DMXL2: variants seen among roughly 807,000 people sequenced by gnomAD.
DMXL2 encodes dmX-like protein 2.
Under a neutral mutation model 331.1 loss-of-function variants are expected in DMXL2, and 103 were observed. That is an observed-to-expected ratio of 0.31 (90% CI 0.27 to 0.37). The LOEUF is 0.37. Ranked by LOEUF, DMXL2 falls within the 10% of genes least tolerant of loss-of-function variation. DMXL2 has a pLI of 1.00. For synonymous variants in DMXL2, 1,281 were observed against 1,252.1 expected (o/e 1.02, Z -0.49); for missense variants, 3,171 against 3,642.9 (o/e 0.87, Z 3.33).
At chr15:51,456,985 A>G (rs1202881226) in intron 37 of DMXL2, among the ~76,000 whole-genome samples, 1 of 152,152 alleles carries the variant, frequency 6.6e-6, no homozygotes, top group Admixed American at 6.5e-5. Flanking sequence ...CAGCCTGGGC[A>G]GCGTGGTGAA....
intron 37 of DMXL2, among the ~76,000 whole-genome samples, chr15:51,457,077 T>G (rs1415901903): frequency 6.6e-6 from 1 of 152,022 alleles, no homozygotes; most frequent in African/African-American, 2.4e-5. Flanking sequence ...GAGGTTGAGA[T>G]GGAAGGATCA....
At chr15:51,602,600 C>A (rs1338865705) in intron 1 of DMXL2, among the ~76,000 whole-genome samples, 1 of 152,140 alleles carries the variant, frequency 6.6e-6, no homozygotes, top group Non-Finnish European at 1.5e-5. Context: ...GGGCTCATCC[C>A]CAGGCTGTGC....
rs562053178 is a variant in DMXL2 at position 51,605,608 on chromosome 15, A to C, written c.87+16851T>G. The stretch of plus-strand genomic sequence containing the variant: ...CCGGACTGCGGACTGCAGTGGCGCA[A>C]TCTCGGCTCACTGCAAGCTCCGCTT... On this transcript the variant is annotated intron_variant, in intron 1 of 43. Coordinates refer to ENST00000560891, the MANE Select transcript of DMXL2 (RefSeq NM_001378457.1). Among the ~76,000 whole-genome samples, 15 of 40,364 alleles carry C rather than the reference A, an allele frequency of 3.7e-4. 1 individual carries two copies. The highest frequency in any genetic ancestry group is 7.5e-4 in the Non-Finnish European group (13 of 17,366). 26.5% of individuals were successfully genotyped at this position (40,364 alleles called of 152,430 possible). A position where few individuals can be genotyped will look rare whatever the true frequency, so the allele number is the denominator to read the frequency against.
At chr15:51,599,942 GC>G (rs1164585101) in intron 1 of DMXL2, among the ~76,000 whole-genome samples, 2 of 151,818 alleles carry the variant, frequency 1.3e-5, no homozygotes, top group African/African-American at 4.8e-5. Flanking sequence ...CTCGTGATCT[GC>G]CCGCCTCAGC....
intron 1 of DMXL2, among the ~76,000 whole-genome samples, chr15:51,618,006 G>A (rs1306172284): frequency 6.6e-6 from 1 of 152,114 alleles, no homozygotes; most frequent in Non-Finnish European, 1.5e-5. Context: ...TACACTCCAA[G>A]AACAAAAAGG....
intron 16 of DMXL2, among the ~76,000 whole-genome samples, chr15:51,503,987 A>G (rs2043872134): frequency 2.0e-5 from 3 of 152,152 alleles, no homozygotes; most frequent in South Asian, 4.2e-4. Context: ...CAAGACTGAC[A>G]GGGAAGAATC....
rs1334565279 is a variant in DMXL2, at chr15:51,622,467, G to A, written c.79C>T (p.Pro27Ser). 6.4e-7 allele frequency: 1 copy of A among 1,564,024 alleles called. No homozygotes were observed. The highest frequency in any genetic ancestry group is 8.7e-7 in the Non-Finnish European group (1 of 1,153,886). ...CYSVGSVGDV[P>S]FTAYGSGCDI... ...TCCCGGCCGCCGCTCACCGTGAAGG[G>A]GACATCCCCGACGCTGCCCACGGAG... is the stretch of plus-strand genomic sequence containing the variant. The change falls in exon 1 of 44, where the codon CCC becomes TCC. Residue 27 changes from proline to serine, a missense_variant. Around this residue, in one of 7 missense-constraint regions of DMXL2, gnomAD observed 1,674 missense variants for 1,780.2 expected, o/e 0.94. Transcript: ENST00000560891.
In DMXL2 at chr15:51,536,753, T is replaced by C. The variant is rs1567084536; in HGVS notation, c.1727A>G (p.His576Arg). 1.2e-6 allele frequency: 2 copies of C among 1,614,044 alleles called. No individual in the cohort carries two copies. The highest frequency in any genetic ancestry group is 2.2e-5 in the East Asian group (1 of 44,884). ...CATCCCCTCCTGGTGTAACAGCGTG[T>C]GGTGAGAATCTTTTGTCGCATTTAT... is the stretch of plus-strand genomic sequence containing the variant. The part of the protein sequence containing the change: ...ACINATKDSH[H>R]TLLHQEGMSV... Residue 576 changes from histidine (H) to arginine (R), a missense_variant, in exon 12 of 44, where the codon CAC (histidine) becomes CGC (arginine). His to Arg is a conservative substitution (Grantham distance 29, BLOSUM62 0). Coordinates refer to ENST00000560891, the MANE Select transcript of DMXL2 (RefSeq NM_001378457.1).
intron 1 of DMXL2, among the ~76,000 whole-genome samples, chr15:51,604,417 G>C (rs182074191): frequency 7.6e-4 from 113 of 148,820 alleles, no homozygotes; most frequent in African/African-American, 2.6e-3. Flanking sequence ...AAAAAAAGAA[G>C]CCTAGTGCTA....
At position 51,498,837 on chromosome 15, in the gene DMXL2, GACTT is replaced by G; in HGVS notation, c.4383_4386del (p.Ser1462AsnfsTer22). 1 of 1,614,094 alleles carries G rather than the reference GACTT, an allele frequency of 6.2e-7. No homozygotes were observed. The highest frequency in any genetic ancestry group is 8.5e-7 in the Non-Finnish European group (1 of 1,179,994). On this transcript the variant is annotated frameshift_variant, in exon 18 of 44. Coordinates refer to ENST00000560891, the MANE Select transcript of DMXL2 (RefSeq NM_001378457.1). LOFTEE classifies it high-confidence loss of function. ...AGCTCTGAATACTGATCCTCTGGTTGACTTACTGTCTGATCTTCATAGCTCTGTG... is the reference window on the plus strand; with the variant it reads ...AGCTCTGAATACTGATCCTCTGGTTGACTGTCTGATCTTCATAGCTCTGTG...
rs1480291457 is a variant in DMXL2 at position 51,462,201 on chromosome 15, C to T, written c.7926+1178G>A. ...AGAACAAGTATGGTAGGTTCCACTG[C>T]CCTGGGCATGAGGAAAAACTGAGAA... On this transcript the variant is annotated intron_variant, in intron 33 of 43. Coordinates refer to ENST00000560891, the MANE Select transcript of DMXL2 (RefSeq NM_001378457.1). 2.6e-5 allele frequency among the ~76,000 whole-genome samples: 4 copies of T among 152,126 alleles called. No individual in the cohort carries two copies. The East Asian group carries it at 5.8e-4, about 22-fold the overall frequency.
intron 34 of DMXL2, 21 bp downstream of exon 34, chr15:51,459,577 T>C (rs2039949532): frequency 7.0e-6 from 9 of 1,289,652 alleles, no homozygotes; most frequent in Non-Finnish European, 9.1e-6. Context: ...ATGAGCTAAA[T>C]ACAAGATCTT....
At chr15:51,533,893 G>T (rs530876704) in intron 13 of DMXL2, among the ~76,000 whole-genome samples, 5 of 152,266 alleles carry the variant, frequency 3.3e-5, no homozygotes, top group African/African-American at 1.2e-4. Flanking sequence ...CTTCAAACAG[G>T]CTGGTGACAT....
intron 18 of DMXL2, among the ~76,000 whole-genome samples, chr15:51,496,496 C>T (rs909008246): frequency 2.6e-5 from 4 of 152,150 alleles, no homozygotes; most frequent in African/African-American, 2.4e-5. Flanking sequence ...GAGCATAGAT[C>T]GTGTGGGGCC....
intron 1 of DMXL2, among the ~76,000 whole-genome samples, chr15:51,580,022 C>T (rs2051301728): frequency 2.0e-5 from 3 of 152,122 alleles, no homozygotes; most frequent in African/African-American, 7.2e-5. Context: ...CATTGCATTG[C>T]CCTACCTCTA....
At position 51,622,640 on chromosome 15, in the gene DMXL2, C is replaced by T; in HGVS notation, c.-95G>A. 6.9e-7 allele frequency: 1 copy of T among 1,451,228 alleles called. No homozygotes were observed. Among genetic ancestry groups the T allele is most frequent in the South Asian group, 1.4e-5 (1 of 71,040 alleles). The allele number at this position is 1,451,228 out of a possible 1,614,324, so 89.9% of individuals were successfully genotyped here. On this transcript the variant is annotated 5_prime_UTR_variant, in exon 1 of 44. Coordinates refer to ENST00000560891, the MANE Select transcript of DMXL2 (RefSeq NM_001378457.1). ...GCGAGAGCCGTTTCCCTCTGTGCCT[C>T]CCTCGGAAACCCGCCCCGCGGAGGC... is the stretch of plus-strand genomic sequence containing the variant.
chr15:51,494,747 T>G (rs967636912), intron 19 of DMXL2, among the ~76,000 whole-genome samples: 11 of 152,188 alleles, frequency 7.2e-5, no homozygotes, highest in Admixed American at 3.9e-4. Context: ...AGACAGCCAC[T>G]TTGGGTTACA....
At chr15:51,512,715 C>G (rs905120747) in intron 15 of DMXL2, among the ~76,000 whole-genome samples, 1 of 151,390 alleles carries the variant, frequency 6.6e-6, no homozygotes, top group African/African-American at 2.4e-5. Flanking sequence ...ACTCGGGAGG[C>G]TGAGGCAGGA....
Position 51,499,655 on chromosome 15 carries a change from T to A in DMXL2, c.3569A>T (p.Asn1190Ile). 1 of 1,614,072 alleles carries A rather than the reference T, an allele frequency of 6.2e-7. No individual in the cohort carries two copies. The highest frequency in any genetic ancestry group is 1.1e-5 in the South Asian group (1 of 91,078). ...SHILTVGVGA[N>I]IFMYGRLSGI... Reference sequence around the variant, plus strand: ...TGAAAGCCTTCCATACATGAAGATATTCGCACCGACTCCCACTGTAAGAAT... The same window carrying A: ...TGAAAGCCTTCCATACATGAAGATAATCGCACCGACTCCCACTGTAAGAAT... The change falls in exon 18 of 44, where the codon AAT becomes ATT. Residue 1190 changes from asparagine to isoleucine, a missense_variant. Asn to Ile is a moderately radical substitution (Grantham distance 149, BLOSUM62 -3). Transcript: ENST00000560891.
Sources: gnomAD v4.1 joint callset for allele counts (sites outside exome capture counted in the v4.1 genomes callset) on GRCh38, gnomAD v4.1.1 for gene constraint, gnomAD v4.1.1 regional missense constraint, MANE v1.5 for transcripts, NCBI Gene and HGNC (gene_info 2026-07-23, HGNC 2026-07-21) for gene names.